The following AHCTF1 variants were observed in gnomAD, a reference collection of about 807,000 sequenced individuals.
AHCTF1 encodes AT-hook containing transcription factor 1, also known as protein ELYS.
A neutral mutation model predicts 248.4 loss-of-function variants in AHCTF1; 24 were observed. The ratio of observed to expected loss-of-function variants is 0.10; its 90% CI spans 0.07 to 0.14. AHCTF1 has a LOEUF of 0.14. Among genes scored for constraint, AHCTF1 ranks in the 10% least tolerant of loss-of-function variants. The pLI, the probability that AHCTF1 is intolerant of heterozygous loss-of-function variation, is 1.00. For synonymous variants in AHCTF1, 786 were observed against 929.8 expected, an observed-to-expected ratio of 0.85 and a Z score of 2.81; for missense variants, 2,206 against 2,636.2, an observed-to-expected ratio of 0.84 and a Z score of 3.57.
At chr1:246,852,960 C>A (rs1268558257) in intron 32 of AHCTF1, 131 bp downstream of exon 32, 6 of 651,082 alleles carry the variant, frequency 9.2e-6, no homozygotes, top group Non-Finnish European at 1.3e-5. Flanking sequence ...TTTTTGAACC[C>A]ATATTTTTAT....
chr1:246,843,667 G>A (rs1003844928), intron 34 of AHCTF1, 128 bp downstream of exon 34: 1 of 839,400 alleles, frequency 1.2e-6, no homozygotes, highest in African/African-American at 1.8e-5. Flanking sequence ...TTATCTTTAA[G>A]ACATTTATTT....
intron 27 of AHCTF1, among the ~76,000 whole-genome samples, chr1:246,863,450 T>G (rs1661724716): frequency 6.6e-6 from 1 of 151,920 alleles, no homozygotes; most frequent in Non-Finnish European, 1.5e-5. Context: ...AGTTGAGTGC[T>G]GTGATTTCTC....
chr1:246,844,328 CA>C (rs2103029614), intron 33 of AHCTF1, among the ~76,000 whole-genome samples: 1 of 152,256 alleles, frequency 6.6e-6, no homozygotes, highest in South Asian at 2.1e-4. Flanking sequence ...ACGTTATTTA[CA>C]AAGTAGGTTT....
chr1:246,928,239 C>A (rs1318353005), intron 1 of AHCTF1, among the ~76,000 whole-genome samples: 1 of 149,776 alleles, frequency 6.7e-6, no homozygotes. Flanking sequence ...GGAGGCGGAC[C>A]TGGCAGTGAG....
At chr1:246,853,037 A>G (rs1660830310) in intron 32 of AHCTF1, 54 bp downstream of exon 32, 1 of 1,409,866 alleles carries the variant, frequency 7.1e-7, no homozygotes, top group African/African-American at 1.4e-5. Context: ...GTCTTGAAAC[A>G]ACTAAACCAA....
At chr1:246,886,692 T>C (rs1663842975) in intron 20 of AHCTF1, among the ~76,000 whole-genome samples, 1 of 152,248 alleles carries the variant, frequency 6.6e-6, no homozygotes, top group East Asian at 1.9e-4. Context: ...GTGCATAGGG[T>C]ATATGCAAAT....
At chr1:246,868,903 G>A (rs1219058036) in intron 24 of AHCTF1, among the ~76,000 whole-genome samples, 3 of 148,248 alleles carry the variant, frequency 2.0e-5, no homozygotes, top group African/African-American at 7.6e-5. Flanking sequence ...GGAGTGCAGT[G>A]GTGTGATCTC....
chr1:246,885,176 A>G (rs1247280835), intron 21 of AHCTF1, among the ~76,000 whole-genome samples: 1 of 152,188 alleles, frequency 6.6e-6, no homozygotes, highest in Non-Finnish European at 1.5e-5. Context: ...ACAGAAGTAA[A>G]ATATTATACA....
chr1:246,895,948 G>A (rs1664542664), intron 12 of AHCTF1, 23 bp from the exon 13 acceptor site: 4 of 1,570,948 alleles, frequency 2.5e-6, no homozygotes, highest in Admixed American at 1.8e-5. Context: ...TTACAGAAAG[G>A]AAAGAAATGG....
At chr1:246,848,857 CAA>C (rs1444781969) in intron 33 of AHCTF1, among the ~76,000 whole-genome samples, 2 of 75,484 alleles carry the variant, frequency 2.6e-5, no homozygotes, top group African/African-American at 3.1e-4. Context: ...CTCAAACAAA[CAA>C]CACAAACCCC....
At chr1:246,895,978 T>A (rs1664545507) in intron 12 of AHCTF1, 53 bp from the exon 13 acceptor site, 4 of 1,467,924 alleles carry the variant, frequency 2.7e-6, no homozygotes, top group East Asian at 2.3e-5. Flanking sequence ...GGGTGTGAGA[T>A]CATAGGCAAG....
chr1:246,864,712 C>T (rs1200331550), intron 26 of AHCTF1, among the ~76,000 whole-genome samples: 1 of 68,258 alleles, frequency 1.5e-5, no homozygotes, highest in Non-Finnish European at 2.3e-5. Flanking sequence ...CGGTGGCGGG[C>T]GCCTGTAGTC....
chr1:246,850,431 T>C lies in AHCTF1; in HGVS notation c.5575A>G (p.Lys1859Glu), dbSNP rs79472697. ...ACAGATGAAACCTTAACTTCTTTTT[T>C]AGTAGTTTCTTCAACTGCTGGTTCC... ...LLEPAVEETTKKEVKVSSVTK... is the reference protein window; with the variant it reads ...LLEPAVEETTEKEVKVSSVTK... The change falls in exon 33 of 36, where the codon AAA (lysine) becomes GAA (glutamate). Residue 1859 changes from lysine to glutamate, a missense_variant. Lys to Glu is a moderately conservative substitution (Grantham distance 56). This residue lies in a region of AHCTF1 where 29 missense variants were observed against 57.1 expected (regional missense o/e 0.51). Coordinates refer to ENST00000648844, the MANE Select transcript of AHCTF1 (RefSeq NM_001323342.2). The C allele has an allele frequency of 6.8e-3, 10,864 of 1,597,314 alleles. 629 individuals carry two copies. The African/African-American group carries it at 0.13, about 19-fold the overall frequency.
At chr1:246,861,351 G>C (rs1661536539) in intron 28 of AHCTF1, 56 bp from the exon 29 acceptor site, 7 of 1,434,098 alleles carry the variant, frequency 4.9e-6, no homozygotes, top group South Asian at 4.1e-5. Context: ...GTTAAGTCTA[G>C]TCCTAAGCTA....
chr1:246,897,241 A>G (rs1185596947), intron 12 of AHCTF1, among the ~76,000 whole-genome samples: 1 of 152,140 alleles, frequency 6.6e-6, no homozygotes, highest in Non-Finnish European at 1.5e-5. Flanking sequence ...TGAACCCAGG[A>G]GGTTGGAGGT....
chr1:246,876,314 T>G (rs143336719), intron 23 of AHCTF1, 127 bp from the exon 24 acceptor site: 1 of 801,048 alleles, frequency 1.2e-6, no homozygotes, highest in Non-Finnish European at 1.8e-6. Context: ...ATATCCATTT[T>G]TCCAAACCAA....
Position 246,848,436 on chromosome 1 carries a change from C to T in AHCTF1, c.6391+1179G>A, listed in dbSNP as rs555750081. On this transcript the variant is annotated intron_variant, in intron 33 of 35. Coordinates refer to ENST00000648844, the MANE Select transcript of AHCTF1 (RefSeq NM_001323342.2). Reference sequence around the variant, plus strand: ...CAGGATGGTCTCGATCTCCTGATCTCGTGATCCACCCGCCTTGGCCTCCCA... The same window carrying T: ...CAGGATGGTCTCGATCTCCTGATCTTGTGATCCACCCGCCTTGGCCTCCCA... Among the ~76,000 whole-genome samples, 44 of 151,792 alleles carry T rather than the reference C, an allele frequency of 2.9e-4. No homozygotes were observed. In the South Asian group the frequency reaches 7.5e-3, roughly 26 times the overall value.
chr1:246,863,257 T>G (rs1661708244), intron 27 of AHCTF1, among the ~76,000 whole-genome samples: 1 of 151,940 alleles, frequency 6.6e-6, no homozygotes, highest in African/African-American at 2.4e-5. Context: ...AGCTTCACTA[T>G]AAATGCTGGA....
At chr1:246,865,234 C>T (rs897083970) in intron 26 of AHCTF1, 4 of 152,130 alleles carry the variant, frequency 2.6e-5, no homozygotes, top group African/African-American at 9.7e-5. Context: ...TTTATTTCCC[C>T]CAAATGCCAA....
Sources: gnomAD v4.1 joint callset for allele counts (sites outside exome capture counted in the v4.1 genomes callset) on GRCh38, gnomAD v4.1.1 for gene constraint, gnomAD v4.1.1 regional missense constraint, MANE v1.5 for transcripts, NCBI Gene and HGNC (gene_info 2026-07-23, HGNC 2026-07-21) for gene names.